COPZ1: variants seen among roughly 807,000 people sequenced by gnomAD.
The protein encoded by COPZ1 is coatomer subunit zeta-1.
COPZ1 carries 4 observed loss-of-function variants against 31.7 expected under a neutral mutation model. The observed-to-expected ratio is 0.13, with a 90% CI of 0.06 to 0.29. The LOEUF (loss-of-function observed/expected upper bound fraction) is 0.29, where lower values mean the gene tolerates loss of function less well. Ranked by LOEUF, COPZ1 falls within the 10% of genes least tolerant of loss-of-function variation. COPZ1 has a pLI of 1.00. For synonymous variants in COPZ1, 74 were observed against 79.0 expected (o/e 0.94, Z 0.33); for missense variants, 156 against 211.5 (o/e 0.74, Z 1.63).
chr12:54,331,618 C>T (rs1194698590), intron 1 of COPZ1, among the ~76,000 whole-genome samples: 1 of 152,070 alleles, frequency 6.6e-6, no homozygotes, highest in Admixed American at 6.6e-5. Context: ...AGCAATTCTG[C>T]CTCGGGGTTG....
In COPZ1 at chr12:54,343,304, C is replaced by A; in HGVS notation, c.249C>A (p.Ser83=). 6.2e-7 allele frequency: 1 copy of A among 1,612,966 alleles called. No individual in the cohort carries two copies. Residue 83 remains serine (S), a synonymous_variant, in exon 4 of 9, where the codon TCC becomes TCA. Transcript: ENST00000262061. ...TCTATTTCTATGTGATTGGCAGCTC[C>A]TATGAAAATGAGGTGAGAATCCCCA... ...IDLYFYVIGS[S]YENELMLMAV... is the part of the protein sequence containing the mutation.
intron 8 of COPZ1, 148 bp downstream of exon 8, chr12:54,349,806 C>A: frequency 1.3e-6 from 1 of 768,408 alleles, no homozygotes; most frequent in South Asian, 1.4e-5. Flanking sequence ...AACTGGGACT[C>A]ATACAGCCAG....
chr12:54,340,055 GT>G (rs1223155674), intron 1 of COPZ1, among the ~76,000 whole-genome samples: 2 of 151,356 alleles, frequency 1.3e-5, no homozygotes. Flanking sequence ...TGTGTGGGTG[GT>G]TTAGGGAAGG....
intron 3 of COPZ1, 155 bp downstream of exon 3, chr12:54,342,442 G>T (rs1592206892): frequency 3.2e-6 from 2 of 630,556 alleles, no homozygotes; most frequent in South Asian, 3.8e-5. Flanking sequence ...AATGTAATGG[G>T]GAGGTGAGTG....
chr12:54,349,663 G>A lies in COPZ1; in HGVS notation c.486+5G>A. 1 of 1,608,962 alleles carries A rather than the reference G, an allele frequency of 6.2e-7. No individual in the cohort carries two copies. On this transcript the variant is annotated splice_donor_5th_base_variant and intron_variant, in intron 8 of 8. Coordinates refer to ENST00000262061, the MANE Select transcript of COPZ1 (RefSeq NM_016057.3). The stretch of plus-strand genomic sequence containing the variant: ...ACGGAGCAGACCGTGTCTCAGGTAT[G>A]ACTCTCCCTTCTTCCTTTCCAGATG...
intron 1 of COPZ1, among the ~76,000 whole-genome samples, chr12:54,336,877 C>T (rs1436845018): frequency 6.6e-6 from 1 of 151,876 alleles, no homozygotes; most frequent in East Asian, 1.9e-4. Flanking sequence ...CAAAAATTAG[C>T]TGGGCATGGG....
At chr12:54,325,419 C>T (rs991216547) in intron 1 of COPZ1, 4 of 584,234 alleles carry the variant, frequency 6.8e-6, no homozygotes, top group African/African-American at 5.6e-5. Context: ...AGCACATGGA[C>T]TCCTTAGGAT....
intron 5 of COPZ1, among the ~76,000 whole-genome samples, chr12:54,346,117 C>T (rs1954058116): frequency 6.6e-6 from 1 of 152,046 alleles, no homozygotes; most frequent in South Asian, 2.1e-4. Flanking sequence ...TTGTAATCCC[C>T]TGTGGTCCTG....
chr12:54,348,505 G>A (rs1954099609), intron 7 of COPZ1, among the ~76,000 whole-genome samples: 2 of 152,074 alleles, frequency 1.3e-5, no homozygotes, highest in South Asian at 4.2e-4. Flanking sequence ...TTGGGAAGCC[G>A]AGGCTGGCGG....
chr12:54,349,540 T>C (rs912274506), intron 7 of COPZ1, 80 bp from the exon 8 acceptor site: 1 of 1,154,510 alleles, frequency 8.7e-7, no homozygotes, highest in Non-Finnish European at 1.3e-6. Context: ...GGATCACTTT[T>C]TTCTTCTCTA....
In COPZ1 at chr12:54,325,132, C is replaced by T; in HGVS notation, c.-32C>T. ...CCAATCAGCGGCGGCGTTTCTTTTG[C>T]GGCTCCACGTCGGCACCAGCTGCGG... On this transcript the variant is annotated 5_prime_UTR_variant, in exon 1 of 9. Transcript: ENST00000262061. 1 of 1,559,028 alleles carries T rather than the reference C, an allele frequency of 6.4e-7. No homozygotes were observed. Among genetic ancestry groups the T allele is most frequent in the Non-Finnish European group, 8.7e-7 (1 of 1,152,072 alleles).
chr12:54,330,116 C>T (rs537409173), intron 1 of COPZ1, among the ~76,000 whole-genome samples: 33 of 152,232 alleles, frequency 2.2e-4, no homozygotes, highest in African/African-American at 2.6e-4. Context: ...CTCATTCCTG[C>T]GCTGTGGAGA....
chr12:54,350,302 A>G, intron 8 of COPZ1, 174 bp from the exon 9 acceptor site: 1 of 766,234 alleles, frequency 1.3e-6, no homozygotes, highest in Non-Finnish European at 2.4e-6. Context: ...GGAATTTTCC[A>G]AACAATCTGC....
chr12:54,334,806 G>A (rs962012843), intron 1 of COPZ1, among the ~76,000 whole-genome samples: 2 of 151,700 alleles, frequency 1.3e-5, no homozygotes, highest in African/African-American at 2.4e-5. Context: ...GCAGCGAGCC[G>A]AGATCAGACC....
intron 2 of COPZ1, among the ~76,000 whole-genome samples, chr12:54,340,890 A>G (rs368971518): frequency 1.3e-4 from 20 of 152,196 alleles, no homozygotes; most frequent in African/African-American, 4.6e-4. Context: ...TAGTAGAGAC[A>G]GGGTTTCAGC....
chr12:54,342,858 T>G (rs1953997499), intron 3 of COPZ1, among the ~76,000 whole-genome samples: 1 of 146,600 alleles, frequency 6.8e-6, no homozygotes, highest in Non-Finnish European at 1.5e-5. Context: ...GCCTTCTTTT[T>G]TTTTTTTTTT....
chr12:54,333,888 G>A (rs1953805687), intron 1 of COPZ1, among the ~76,000 whole-genome samples: 1 of 152,000 alleles, frequency 6.6e-6, no homozygotes, highest in Non-Finnish European at 1.5e-5. Context: ...TGGTACCAGT[G>A]GCTCCCACTC....
chr12:54,334,638 G>A (rs1953823022), intron 1 of COPZ1, among the ~76,000 whole-genome samples: 1 of 151,900 alleles, frequency 6.6e-6, no homozygotes, highest in African/African-American at 2.4e-5. Context: ...TGGATCATGA[G>A]GTCAGGATAT....
chr12:54,340,969 G>T (rs1360065440), intron 2 of COPZ1, among the ~76,000 whole-genome samples: 1 of 152,090 alleles, frequency 6.6e-6, no homozygotes, highest in Non-Finnish European at 1.5e-5. Context: ...AAAGTGTTGG[G>T]ATTACAGGTG....
Sources: gnomAD v4.1 joint callset for allele counts (sites outside exome capture counted in the v4.1 genomes callset) on GRCh38, gnomAD v4.1.1 for gene constraint, MANE v1.5 for transcripts, NCBI Gene and HGNC (gene_info 2026-07-23, HGNC 2026-07-21) for gene names.